FREM3: variants seen among roughly 807,000 people sequenced by gnomAD.
The protein encoded by FREM3 is FRAS1-related extracellular matrix protein 3.
FREM3 carries 105 observed loss-of-function variants against 129.1 expected under a neutral mutation model. The observed-to-expected ratio is 0.81, with a 90% CI of 0.69 to 0.96. FREM3 has a LOEUF of 0.96. Ranked by LOEUF, FREM3 falls within the 40% of genes least tolerant of loss-of-function variation. The pLI, the probability that FREM3 is intolerant of heterozygous loss-of-function variation, is 0.00. For missense variants in FREM3, 2,593 were observed against 2,666.3 expected, an observed-to-expected ratio of 0.97 and a Z score of 0.61; for synonymous variants, 1,014 against 1,044.9, an observed-to-expected ratio of 0.97 and a Z score of 0.57.
At chr4:143,594,147 A>G (rs1738420384) in intron 6 of FREM3, among the ~76,000 whole-genome samples, 1 of 152,148 alleles carries the variant, frequency 6.6e-6, no homozygotes, top group East Asian at 1.9e-4. Context: ...TTGACTAGGA[A>G]AGGGAATTCC....
chr4:143,597,511 T>C (rs916737782), intron 6 of FREM3, among the ~76,000 whole-genome samples: 24 of 152,354 alleles, frequency 1.6e-4, no homozygotes, highest in Middle Eastern at 3.4e-3. Context: ...TGCTTCCAGC[T>C]CTGCTCTTCT....
intron 6 of FREM3, among the ~76,000 whole-genome samples, chr4:143,586,921 T>G (rs1738253259): frequency 6.6e-6 from 1 of 152,204 alleles, no homozygotes; most frequent in Admixed American, 6.5e-5. Context: ...CCCTTGAGGT[T>G]GTTGAACGGA....
At position 143,585,083 on chromosome 4, in the gene FREM3, G is replaced by A. The variant is rs1738214660; in HGVS notation, c.6178+761C>T. On this transcript the variant is annotated intron_variant, in intron 7 of 7. Coordinates refer to ENST00000329798, the MANE Select transcript of FREM3 (RefSeq NM_001168235.2). This position sits in a 1 kb window ranked among gnomAD's most constrained non-coding sequence, Gnocchi z 4.2. ...CAAGAAATTTTTTTGAAACTAATGA[G>A]AACAAAGATACAACATACCAGAACT... 6.6e-6 allele frequency among the ~76,000 whole-genome samples: 1 copy of A among 152,142 alleles called. No homozygotes were observed. Among genetic ancestry groups the A allele is most frequent in the Non-Finnish European group, 1.5e-5 (1 of 68,004 alleles).
chr4:143,606,294 C>A (rs1738666958), intron 6 of FREM3, among the ~76,000 whole-genome samples: 1 of 151,978 alleles, frequency 6.6e-6, no homozygotes, highest in Non-Finnish European at 1.5e-5. Context: ...TGGCTATGTG[C>A]ATATGAAAAC....
Position 143,597,740 on chromosome 4 carries a change from G to A in FREM3, c.6029-11747C>T, listed in dbSNP as rs569703061. Among the ~76,000 whole-genome samples the A allele has an allele frequency of 3.5e-3, 530 of 152,252 alleles. 5 individuals carry two copies. Among genetic ancestry groups the A allele is most frequent in the African/African-American group, 0.012 (519 of 41,554 alleles). On this transcript the variant is annotated intron_variant, in intron 6 of 7. Transcript: ENST00000329798. The stretch of plus-strand genomic sequence containing the variant: ...CAGGGAAAGACTTGTACACTGCACT[G>A]AAAACTACAAAACATTGATAAAAAA...
chr4:143,678,197 A>G (rs1226248077), intron 2 of FREM3, among the ~76,000 whole-genome samples: 2 of 152,244 alleles, frequency 1.3e-5, no homozygotes, highest in African/African-American at 4.8e-5. Context: ...ACACCATGGA[A>G]TACTATGCAG....
rs563618979 is a variant in FREM3, at chr4:143,588,951, T to C, written c.6029-2958A>G. On this transcript the variant is annotated intron_variant, in intron 6 of 7. Coordinates refer to ENST00000329798, the MANE Select transcript of FREM3 (RefSeq NM_001168235.2). ...GATCACCATTCTAACTGGTGTGAGATGGTATCTCATTGTGGTTTTGATTTG... is the reference window on the plus strand; with the variant it reads ...GATCACCATTCTAACTGGTGTGAGACGGTATCTCATTGTGGTTTTGATTTG... 7.5e-3 allele frequency among the ~76,000 whole-genome samples: 1,135 copies of C among 151,948 alleles called. 12 individuals carry two copies. The highest frequency in any genetic ancestry group is 0.026 in the African/African-American group (1,072 of 41,338).
In FREM3 at chr4:143,699,938, G is replaced by A. The variant is rs1740661837; in HGVS notation, c.738C>T (p.Leu246=). The A allele has an allele frequency of 6.5e-7, 1 of 1,533,170 alleles. No individual in the cohort carries two copies. Among genetic ancestry groups the A allele is most frequent in the African/African-American group, 1.4e-5 (1 of 73,128 alleles). 95.0% of individuals were successfully genotyped at this position (1,533,170 alleles called of 1,614,324 possible). The change falls in exon 1 of 8, where the codon CTC becomes CTT. Residue 246 remains leucine, a synonymous_variant. Coordinates refer to ENST00000329798, the MANE Select transcript of FREM3 (RefSeq NM_001168235.2). This position sits in a 1 kb window ranked among gnomAD's most constrained non-coding sequence, Gnocchi z 4.2. Reference sequence around the variant, plus strand: ...TGTGCTGATAGCGCACCCCAGCACGGAGGAAAGCCTCACAGTCTACGCCCT... The same window carrying A: ...TGTGCTGATAGCGCACCCCAGCACGAAGGAAAGCCTCACAGTCTACGCCCT... ...RGKGVDCEAF[L]RAGVRYQHTA...
chr4:143,644,218 C>T (rs1031464436), intron 2 of FREM3, among the ~76,000 whole-genome samples: 1 of 151,980 alleles, frequency 6.6e-6, no homozygotes, highest in African/African-American at 2.4e-5. Flanking sequence ...TGCATTTGCA[C>T]ACGTGTTTCT....
rs965265642 is a variant in FREM3 at position 143,624,259 on chromosome 4, A to G, written c.5502T>C (p.Pro1834=). The G allele has an allele frequency of 1.3e-6, 2 of 1,537,078 alleles. No individual in the cohort carries two copies. The highest frequency in any genetic ancestry group is 1.7e-6 in the Non-Finnish European group (2 of 1,146,756). ...CCCTCCATGTGGCTGTAGTCTGTCC[A>G]GGATTGAACTGGATCTGTTTATTGG... The part of the protein sequence containing the change: ...WKTNKQIQFN[P]GQTTATWRVR... The change falls in exon 4 of 8, where the codon CCT becomes CCC. Residue 1834 remains proline (P), a synonymous_variant. Coordinates refer to ENST00000329798, the MANE Select transcript of FREM3 (RefSeq NM_001168235.2).
chr4:143,648,475 A>G (rs1021312624), intron 2 of FREM3, among the ~76,000 whole-genome samples: 4 of 152,270 alleles, frequency 2.6e-5, no homozygotes, highest in African/African-American at 7.2e-5. Flanking sequence ...AATAATCCCC[A>G]TGTGTCAAGG....
At chr4:143,609,196 T>C (rs2149838843) in intron 6 of FREM3, among the ~76,000 whole-genome samples, 1 of 152,276 alleles carries the variant, frequency 6.6e-6, no homozygotes. Context: ...CAGCACAAGC[T>C]TTGCTGACTC....
intron 2 of FREM3, among the ~76,000 whole-genome samples, chr4:143,674,622 T>C (rs547795346): frequency 2.6e-5 from 4 of 152,236 alleles, no homozygotes; most frequent in Admixed American, 2.6e-4. Flanking sequence ...TCACGACCCA[T>C]CAGTGTGCTG....
chr4:143,622,316 A>G (rs966261764), intron 4 of FREM3, among the ~76,000 whole-genome samples: 3 of 150,362 alleles, frequency 2.0e-5, no homozygotes, highest in Middle Eastern at 3.2e-3. Flanking sequence ...CTGGTCTCGA[A>G]CTCCTGGACT....
intron 2 of FREM3, among the ~76,000 whole-genome samples, chr4:143,691,423 A>G (rs1249039315): frequency 1.3e-5 from 2 of 152,182 alleles, no homozygotes; most frequent in East Asian, 3.8e-4. Flanking sequence ...AAAATTAAAA[A>G]AAAAAGAAAG....
At chr4:143,682,013 AAG>A (rs998066415) in intron 2 of FREM3, among the ~76,000 whole-genome samples, 1 of 152,198 alleles carries the variant, frequency 6.6e-6, no homozygotes, top group African/African-American at 2.4e-5. Context: ...GGCAGAGAAA[AAG>A]AGGTGAGAAA....
chr4:143,663,126 A>C (rs1739772516), intron 2 of FREM3, among the ~76,000 whole-genome samples: 1 of 152,090 alleles, frequency 6.6e-6, no homozygotes, highest in African/African-American at 2.4e-5. Flanking sequence ...TCCTGTCATT[A>C]TGATGTTAGC....
rs1188597312 is a variant in FREM3, at chr4:143,577,518, G to A, written c.*93C>T. 8.3e-7 allele frequency: 1 copy of A among 1,204,052 alleles called. No individual in the cohort carries two copies. The highest frequency in any genetic ancestry group is 2.6e-5 in the East Asian group (1 of 39,122). The allele number at this position is 1,204,052 out of a possible 1,614,324, so 74.6% of individuals were successfully genotyped here. ...ACACCAATGACAGTACAATATCACT[G>A]ATATCCCAGAATTGCTAAGATCTAT... On this transcript the variant is annotated 3_prime_UTR_variant, in exon 8 of 8. Transcript: ENST00000329798.
chr4:143,652,439 GGCGTGA>G (rs1172752416), intron 2 of FREM3, among the ~76,000 whole-genome samples: 4 of 39,710 alleles, frequency 1.0e-4, no homozygotes, highest in Non-Finnish European at 3.1e-4. Context: ...TGGGATTACA[GGCGTGA>G]GCCACCGCGC....
Sources: allele counts gnomAD v4.1 joint callset (sites outside exome capture counted in the v4.1 genomes callset), GRCh38; gene constraint gnomAD v4.1.1; non-coding constraint Gnocchi (gnomAD v3.1); transcripts MANE v1.5; gene names NCBI Gene and HGNC (gene_info 2026-07-23, HGNC 2026-07-21).